Variants in B3GALT1 observed in about 807,000 individuals in gnomAD.
The protein encoded by B3GALT1 is UDP-Gal:betaGlcNAc beta 1,3-galactosyltransferase, polypeptide 1.
A neutral mutation model predicts 23.2 loss-of-function variants in B3GALT1; 10 were observed. The observed-to-expected ratio is 0.43, with a 90% CI of 0.27 to 0.73. B3GALT1 has a LOEUF of 0.73. Among genes scored for constraint, B3GALT1 ranks in the 30% least tolerant of loss-of-function variants. The pLI is 0.21. For synonymous variants in B3GALT1, 156 were observed against 141.5 expected (o/e 1.10, Z -0.73); for missense variants, 299 against 405.4 (o/e 0.74, Z 2.25).
intron 1 of B3GALT1, among the ~76,000 whole-genome samples, chr2:167,407,796 A>C (rs956827147): frequency 1.3e-5 from 2 of 152,146 alleles, no homozygotes; most frequent in Admixed American, 6.5e-5. Flanking sequence ...AAGAAACCTC[A>C]AAAAACCAAT....
At chr2:167,614,291 A>G (rs1179796675) in intron 2 of B3GALT1, among the ~76,000 whole-genome samples, 1 of 151,568 alleles carries the variant, frequency 6.6e-6, no homozygotes, top group Admixed American at 6.6e-5. Context: ...GAAAAAAAAA[A>G]CCCATTCAAT....
chr2:167,353,871 G>A (rs954640933), intron 1 of B3GALT1, among the ~76,000 whole-genome samples: 1 of 152,052 alleles, frequency 6.6e-6, no homozygotes, highest in Non-Finnish European at 1.5e-5. Flanking sequence ...GTTCTGAATG[G>A]TGAAATACAA....
intron 2 of B3GALT1, among the ~76,000 whole-genome samples, chr2:167,597,171 A>G (rs1684793262): frequency 6.8e-6 from 1 of 147,348 alleles, no homozygotes; most frequent in Admixed American, 6.9e-5. Context: ...GCTGGAGTGC[A>G]GTGGCGGAAT....
chr2:167,392,559 T>C lies in B3GALT1; in HGVS notation c.-510-97618T>C, dbSNP rs527886868. Among the ~76,000 whole-genome samples the C allele has an allele frequency of 2.0e-5, 3 of 152,306 alleles. No homozygotes were observed. The South Asian group carries it at 6.2e-4, about 32-fold the overall frequency. Reference sequence around the variant, plus strand: ...TTAAGAGAATTATTATCGATTTCAATTTTTGAACCTTGTCTTGAGATGTAT... The same window carrying C: ...TTAAGAGAATTATTATCGATTTCAACTTTTGAACCTTGTCTTGAGATGTAT... On this transcript the variant is annotated intron_variant, in intron 1 of 4. Transcript: ENST00000392690.
intron 1 of B3GALT1, among the ~76,000 whole-genome samples, chr2:167,382,557 G>A (rs1043473169): frequency 5.9e-5 from 9 of 151,914 alleles, no homozygotes; most frequent in South Asian, 2.1e-4. Flanking sequence ...AGCTAATTGA[G>A]CTTTTACTTT....
At chr2:167,619,950 T>C (rs754689769) in intron 2 of B3GALT1, among the ~76,000 whole-genome samples, 1 of 152,080 alleles carries the variant, frequency 6.6e-6, no homozygotes, top group Non-Finnish European at 1.5e-5. Flanking sequence ...AACAAACAAA[T>C]ACTGAACTAT....
chr2:167,467,124 A>G (rs1028410907), intron 1 of B3GALT1, among the ~76,000 whole-genome samples: 3 of 151,546 alleles, frequency 2.0e-5, no homozygotes, highest in Non-Finnish European at 2.9e-5. Context: ...TTTTTAGTCA[A>G]CGTAATCACC....
chr2:167,556,317 A>G lies in B3GALT1; in HGVS notation c.-410+66040A>G, dbSNP rs776112452. Among the ~76,000 whole-genome samples, 180 of 152,296 alleles carry G rather than the reference A, an allele frequency of 1.2e-3. 1 individual carries two copies. Among genetic ancestry groups the G allele is most frequent in the South Asian group, 6.2e-4 (3 of 4,828 alleles). On this transcript the variant is annotated intron_variant, in intron 2 of 4. Transcript: ENST00000392690. Reference sequence around the variant, plus strand: ...ATGAGGCATTGGAATAGAAGCAGGTAAACAGTTTCGAGGACTAAAGCACTT... The same window carrying G: ...ATGAGGCATTGGAATAGAAGCAGGTGAACAGTTTCGAGGACTAAAGCACTT...
intron 2 of B3GALT1, among the ~76,000 whole-genome samples, chr2:167,561,268 A>G (rs915063512): frequency 1.3e-5 from 2 of 152,158 alleles, no homozygotes; most frequent in South Asian, 2.1e-4. Context: ...AAGAACAAAG[A>G]CACAACATAC....
chr2:167,715,259 C>G, intron 3 of B3GALT1: 1 of 1,613,936 alleles, frequency 6.2e-7, no homozygotes, highest in Admixed American at 1.7e-5. Flanking sequence ...TGGCAAGTGT[C>G]CAGTCAGGGT....
At chr2:167,403,267 G>T (rs904826150) in intron 1 of B3GALT1, among the ~76,000 whole-genome samples, 7 of 19,954 alleles carry the variant, frequency 3.5e-4, no homozygotes, top group African/African-American at 4.7e-4. Context: ...GTGAGAACTT[G>T]CGGTGTTTGG....
intron 3 of B3GALT1, among the ~76,000 whole-genome samples, chr2:167,663,983 A>G (rs996752383): frequency 1.6e-4 from 24 of 151,190 alleles, no homozygotes; most frequent in Non-Finnish European, 2.9e-4. Context: ...CCATTTGTCA[A>G]TTTTGGCTTT....
intron 3 of B3GALT1, among the ~76,000 whole-genome samples, chr2:167,704,006 C>A (rs183320888): frequency 0.029 from 4,349 of 151,758 alleles, 78 homozygotes; most frequent in Non-Finnish European, 0.034. Context: ...ACGGTGAAAC[C>A]CCGTCTCTAC....
At chr2:167,298,197 G>C (rs60102532) in intron 1 of B3GALT1, among the ~76,000 whole-genome samples, 5 of 151,972 alleles carry the variant, frequency 3.3e-5, no homozygotes, top group Admixed American at 3.3e-4. Context: ...GAAGAACCCA[G>C]GTGATTCTGC....
At chr2:167,682,635 T>C (rs758610219) in intron 3 of B3GALT1, among the ~76,000 whole-genome samples, 1 of 152,188 alleles carries the variant, frequency 6.6e-6, no homozygotes, top group Admixed American at 6.5e-5. Context: ...TTCTGATGAG[T>C]AGAGGTGGGG....
chr2:167,708,518 C>T (rs1165085755), intron 3 of B3GALT1, among the ~76,000 whole-genome samples: 2 of 152,056 alleles, frequency 1.3e-5, no homozygotes, highest in Admixed American at 6.6e-5. Context: ...AAAAATTAGC[C>T]GGCACAGTGG....
intron 3 of B3GALT1, among the ~76,000 whole-genome samples, chr2:167,727,561 A>G (rs1189529836): frequency 6.6e-6 from 1 of 152,142 alleles, no homozygotes; most frequent in Non-Finnish European, 1.5e-5. Flanking sequence ...ATCTCAACCC[A>G]TTACTGCATC....
At chr2:167,693,794 A>G (rs1686751247) in intron 3 of B3GALT1, among the ~76,000 whole-genome samples, 1 of 152,084 alleles carries the variant, frequency 6.6e-6, no homozygotes, top group South Asian at 2.1e-4. Context: ...ATTCTGAACC[A>G]TCTCCAACCC....
intron 3 of B3GALT1, among the ~76,000 whole-genome samples, chr2:167,676,700 T>A (rs1362130058): frequency 6.6e-6 from 1 of 152,062 alleles, no homozygotes; most frequent in Non-Finnish European, 1.5e-5. Context: ...TAGCAAGGAT[T>A]ACAGGCGCCC....
Sources: gnomAD v4.1 joint callset for allele counts (sites outside exome capture counted in the v4.1 genomes callset) on GRCh38, gnomAD v4.1.1 for gene constraint, MANE v1.5 for transcripts, NCBI Gene and HGNC (gene_info 2026-07-23, HGNC 2026-07-21) for gene names.